WWP1: variants seen among roughly 807,000 people sequenced by gnomAD.
WWP1 encodes NEDD4-like E3 ubiquitin-protein ligase WWP1.
WWP1 carries 49 observed loss-of-function variants against 130.6 expected under a neutral mutation model. That is an observed-to-expected ratio of 0.38 (90% CI 0.30 to 0.48). The LOEUF is 0.48. Among genes scored for constraint, WWP1 ranks in the 20% least tolerant of loss-of-function variants. WWP1 has a pLI of 0.99. For synonymous variants in WWP1, 332 were observed against 367.8 expected, an observed-to-expected ratio of 0.90 and a Z score of 1.11; for missense variants, 809 against 1,100.6, an observed-to-expected ratio of 0.74 and a Z score of 3.75.
intron 1 of WWP1, among the ~76,000 whole-genome samples, chr8:86,357,965 T>G (rs924885434): frequency 1.3e-5 from 2 of 152,064 alleles, no homozygotes; most frequent in Non-Finnish European, 2.9e-5. Flanking sequence ...TGTGGGAAAA[T>G]TTGTGTTGTA....
chr8:86,350,747 G>A (rs778283523), intron 1 of WWP1, among the ~76,000 whole-genome samples: 2 of 152,174 alleles, frequency 1.3e-5, no homozygotes, highest in Non-Finnish European at 1.5e-5. Flanking sequence ...TTTGATAGCT[G>A]TTCAGTATAC....
At chr8:86,408,899 G>A (rs1384975261) in intron 8 of WWP1, among the ~76,000 whole-genome samples, 1 of 151,680 alleles carries the variant, frequency 6.6e-6, no homozygotes, top group Non-Finnish European at 1.5e-5. Context: ...GACAGAGCAA[G>A]ACTCTGTCTC....
chr8:86,430,829 A>ATGTATATG (rs1554571507), intron 12 of WWP1, 78 bp downstream of exon 12: 1 of 534,144 alleles, frequency 1.9e-6, no homozygotes, highest in African/African-American at 2.3e-5. Context: ...ATATATATAT[A>ATGTATATG]TATGTTCCTT....
chr8:86,462,671 A>G (rs1003534521), intron 24 of WWP1, among the ~76,000 whole-genome samples: 16 of 152,232 alleles, frequency 1.1e-4, no homozygotes, highest in African/African-American at 3.9e-4. Flanking sequence ...TACCCAGGCC[A>G]AAGATGACAT....
intron 5 of WWP1, among the ~76,000 whole-genome samples, chr8:86,394,414 C>A (rs981785500): frequency 2.0e-5 from 3 of 152,146 alleles, no homozygotes; most frequent in Non-Finnish European, 4.4e-5. Context: ...TTTTAAGCAC[C>A]TACCTTCTCT....
chr8:86,371,430 A>C (rs1326071533), intron 2 of WWP1, among the ~76,000 whole-genome samples: 1 of 152,126 alleles, frequency 6.6e-6, no homozygotes, highest in Admixed American at 6.5e-5. Flanking sequence ...TTCCAACAGG[A>C]TTTTGCCATC....
chr8:86,445,128 C>T (rs531087782), intron 18 of WWP1, among the ~76,000 whole-genome samples: 16 of 152,226 alleles, frequency 1.1e-4, no homozygotes, highest in Non-Finnish European at 1.9e-4. Flanking sequence ...CTGTAGGGAA[C>T]TAATAGAGTG....
At position 86,397,672 on chromosome 8, in the gene WWP1, A is replaced by G. The variant is rs532466397; in HGVS notation, c.335-670A>G. Among the ~76,000 whole-genome samples the G allele has an allele frequency of 1.8e-3, 272 of 152,328 alleles. 1 individual carries two copies. The highest frequency in any genetic ancestry group is 2.6e-3 in the Non-Finnish European group (180 of 68,022). Reference sequence around the variant, plus strand: ...TAATATATCGTTTAATGCATAGTCTAAATATATAGTCTAACATAGAAGTTG... The same window carrying G: ...TAATATATCGTTTAATGCATAGTCTGAATATATAGTCTAACATAGAAGTTG... On this transcript the variant is annotated intron_variant, in intron 5 of 24. Transcript: ENST00000517970.
intron 17 of WWP1, chr8:86,442,360 C>A: frequency 4.2e-6 from 1 of 237,710 alleles, no homozygotes; most frequent in South Asian, 1.6e-4. Context: ...CATACCCAAG[C>A]AAAAGTGTGG....
intron 14 of WWP1, among the ~76,000 whole-genome samples, chr8:86,434,880 C>G (rs1357759325): frequency 6.6e-6 from 1 of 152,168 alleles, no homozygotes; most frequent in Non-Finnish European, 1.5e-5. Context: ...GTCAGGCCCT[C>G]AATCAATAGG....
intron 2 of WWP1, among the ~76,000 whole-genome samples, chr8:86,369,263 C>T (rs540782727): frequency 2.0e-5 from 3 of 152,114 alleles, no homozygotes; most frequent in Non-Finnish European, 4.4e-5. Context: ...AGTACCTTAT[C>T]TTTTAAGTGT....
At position 86,461,830 on chromosome 8, in the gene WWP1, C is replaced by T. The variant is rs191560534; in HGVS notation, c.2653C>T (p.Pro885Ser). ...IEKVGKDTWL[P>S]RSHTCFNRLD... ...AAAAGTTGGCAAAGACACTTGGTTA[C>T]CAAGAAGCCATACATGGTAAGTTCA... The change falls in exon 24 of 25, where the codon CCA (proline) becomes TCA (serine). Residue 885 changes from proline (P) to serine (S), a missense_variant. Physicochemically the swap from Pro to Ser is moderately conservative, Grantham distance 74 (BLOSUM62 -1). Around this residue, in one of 3 missense-constraint regions of WWP1, gnomAD observed 450 missense variants for 674.2 expected, o/e 0.67. Coordinates refer to ENST00000517970, the MANE Select transcript of WWP1 (RefSeq NM_007013.4). 1 of 1,613,560 alleles carries T rather than the reference C, an allele frequency of 6.2e-7. No individual in the cohort carries two copies. Among genetic ancestry groups the T allele is most frequent in the Non-Finnish European group, 8.5e-7 (1 of 1,179,732 alleles).
chr8:86,467,015 G>A lies in WWP1; in HGVS notation c.*122G>A, dbSNP rs1812212306. 1.5e-6 allele frequency: 1 copy of A among 688,656 alleles called. No homozygotes were observed. Among genetic ancestry groups the A allele is most frequent in the African/African-American group, 1.9e-5 (1 of 52,968 alleles). The allele number at this position is 688,656 out of a possible 1,614,324, so 42.7% of individuals were successfully genotyped here. A position where few individuals can be genotyped will look rare whatever the true frequency, so the allele number is the denominator to read the frequency against. On this transcript the variant is annotated 3_prime_UTR_variant, in exon 25 of 25. Coordinates refer to ENST00000517970, the MANE Select transcript of WWP1 (RefSeq NM_007013.4). ...GAATTTTCCGAACCTCTCAAAGTAT[G>A]TTTTCCGTTCTTCCACAGAAATATG...
intron 17 of WWP1, among the ~76,000 whole-genome samples, chr8:86,440,156 G>A (rs1052438555): frequency 6.6e-6 from 1 of 152,128 alleles, no homozygotes; most frequent in African/African-American, 2.4e-5. Flanking sequence ...AGGAAATATG[G>A]TATTTTTACA....
chr8:86,461,441 T>C (rs770855712), intron 23 of WWP1, 121 bp downstream of exon 23: 10 of 864,598 alleles, frequency 1.2e-5, no homozygotes, highest in African/African-American at 1.7e-5. Flanking sequence ...TAGGGCTTCA[T>C]TTAGAAGAAA....
At chr8:86,384,197 C>CT (rs1364512701) in intron 5 of WWP1, among the ~76,000 whole-genome samples, 1 of 152,162 alleles carries the variant, frequency 6.6e-6, no homozygotes, top group African/African-American at 2.4e-5. Flanking sequence ...AATCGAGTCT[C>CT]TAAAAACGTC....
intron 2 of WWP1, among the ~76,000 whole-genome samples, chr8:86,371,899 T>G (rs1824315260): frequency 6.6e-6 from 1 of 151,964 alleles, no homozygotes; most frequent in African/African-American, 2.4e-5. Flanking sequence ...TGGAGTGTAG[T>G]GACGTGACCT....
chr8:86,355,765 A>G (rs1276708004), intron 1 of WWP1, among the ~76,000 whole-genome samples: 1 of 152,248 alleles, frequency 6.6e-6, no homozygotes, highest in African/African-American at 2.4e-5. Context: ...TTCAAAGGCT[A>G]GCTTAACAGC....
intron 18 of WWP1, among the ~76,000 whole-genome samples, chr8:86,447,742 T>A (rs1266106620): frequency 6.6e-6 from 1 of 152,030 alleles, no homozygotes; most frequent in African/African-American, 2.4e-5. Context: ...GAAGGCACGA[T>A]GGGGTTAGTC....
Sources: allele counts gnomAD v4.1 joint callset (sites outside exome capture counted in the v4.1 genomes callset), GRCh38; gene constraint gnomAD v4.1.1; regional missense constraint gnomAD v4.1.1; transcripts MANE v1.5; gene names NCBI Gene and HGNC (gene_info 2026-07-23, HGNC 2026-07-21).